The following PHF21B variants were observed in gnomAD, a reference collection of about 807,000 sequenced individuals.
PHF21B encodes the protein PHD finger protein 21B.
Under a neutral mutation model 62.2 loss-of-function variants are expected in PHF21B, and 22 were observed. That is an observed-to-expected ratio of 0.35 (90% CI 0.25 to 0.51). The LOEUF is 0.51. PHF21B is among the 20% of genes least tolerant of loss of function. PHF21B has a pLI of 0.97. For missense variants in PHF21B, 701 were observed against 707.9 expected (o/e 0.99, Z 0.11); for synonymous variants, 341 against 314.7 (o/e 1.08, Z -0.88).
chr22:44,945,721 G>C (rs995764754), intron 2 of PHF21B, among the ~76,000 whole-genome samples: 1 of 23,612 alleles, frequency 4.2e-5, no homozygotes, highest in Non-Finnish European at 9.9e-5. Context: ...AGAATTGGGG[G>C]GGGGGTGGTA....
chr22:44,945,335 C>A (rs550196843), intron 2 of PHF21B, among the ~76,000 whole-genome samples: 1 of 152,284 alleles, frequency 6.6e-6, no homozygotes, highest in South Asian at 2.1e-4. Flanking sequence ...GTGAATGGGG[C>A]GATTTAACTC....
At position 44,894,765 on chromosome 22, in the gene PHF21B, G is replaced by C. The variant is rs529227046; in HGVS notation, c.884-1232C>G. 3.7e-4 allele frequency among the ~76,000 whole-genome samples: 57 copies of C among 152,298 alleles called. 1 individual carries two copies. In the South Asian group the frequency reaches 0.011, roughly 30 times the overall value. ...GCTCTCCCCATCCTGGCTGCTGCCA[G>C]AGAGCAAGTCAGACCCAGGGGACAT... On this transcript the variant is annotated intron_variant, in intron 6 of 12. Coordinates refer to ENST00000313237, the MANE Select transcript of PHF21B (RefSeq NM_138415.5).
chr22:44,895,949 A>G (rs913505253), intron 6 of PHF21B, 83 bp downstream of exon 6: 2 of 1,464,776 alleles, frequency 1.4e-6, no homozygotes, highest in Non-Finnish European at 1.9e-6. Context: ...AGCCCAGACC[A>G]CCCATCATCA....
At chr22:44,963,995 G>A (rs2072475293) in intron 2 of PHF21B, among the ~76,000 whole-genome samples, 1 of 152,248 alleles carries the variant, frequency 6.6e-6, no homozygotes, top group South Asian at 2.1e-4. Flanking sequence ...GGGCCAGCCA[G>A]CTGTGTTCCA....
rs2070959978 is a variant in PHF21B at position 44,891,327 on chromosome 22, G to T, written c.994C>A (p.Pro332Thr). 4 of 1,614,062 alleles carry T rather than the reference G, an allele frequency of 2.5e-6. No individual in the cohort carries two copies. The East Asian group carries it at 6.7e-5, about 27-fold the overall frequency. The change falls in exon 8 of 13, where the codon CCC becomes ACC. Residue 332 changes from proline (P) to threonine (T), a missense_variant. Coordinates refer to ENST00000313237, the MANE Select transcript of PHF21B (RefSeq NM_138415.5). ...TTACCTCTCGCTGTGAGGAACAGGG[G>T]GTTGTTGAGATAGTTGGAGGCCAGC... ...KRLASNYLNN[P>T]LFLTARANED... is the part of the protein sequence containing the mutation.
chr22:44,985,914 A>G (rs1569274422), intron 2 of PHF21B, among the ~76,000 whole-genome samples: 2 of 151,532 alleles, frequency 1.3e-5, no homozygotes, highest in Non-Finnish European at 1.5e-5. Context: ...GAGCACCACC[A>G]TCACCATCAG....
intron 6 of PHF21B, among the ~76,000 whole-genome samples, chr22:44,894,527 T>A (rs1355835367): frequency 6.6e-6 from 1 of 152,150 alleles, no homozygotes; most frequent in Non-Finnish European, 1.5e-5. Context: ...AGAGATTAAA[T>A]CAATCCCAAA....
intron 2 of PHF21B, among the ~76,000 whole-genome samples, chr22:44,968,744 G>A (rs2072581415): frequency 6.6e-6 from 1 of 151,506 alleles, no homozygotes; most frequent in Admixed American, 6.6e-5. Flanking sequence ...ACTGAGCCTC[G>A]CTAACCCCAA....
chr22:44,937,684 G>A (rs1344845694), intron 2 of PHF21B, among the ~76,000 whole-genome samples: 1 of 152,236 alleles, frequency 6.6e-6, no homozygotes, highest in Non-Finnish European at 1.5e-5. Context: ...CAACTCAAAT[G>A]TCCATCAACT....
At chr22:44,916,723 G>A (rs776943878) in intron 3 of PHF21B, 93 bp from the exon 4 acceptor site, 86 of 1,148,816 alleles carry the variant, frequency 7.5e-5, no homozygotes, top group Non-Finnish European at 1.8e-5. Flanking sequence ...CTATATTCAA[G>A]GGGAAGGGGC....
chr22:44,966,812 C>T (rs1416152701), intron 2 of PHF21B, among the ~76,000 whole-genome samples: 2 of 152,298 alleles, frequency 1.3e-5, no homozygotes, highest in South Asian at 2.1e-4. Flanking sequence ...AAGGTAGCAT[C>T]GCTGCAGAGG....
chr22:44,996,621 C>T (rs114079538), intron 2 of PHF21B, among the ~76,000 whole-genome samples: 26 of 151,938 alleles, frequency 1.7e-4, no homozygotes, highest in African/African-American at 6.3e-4. Context: ...TCTCTGATCC[C>T]CTCTAGATCA....
intron 2 of PHF21B, among the ~76,000 whole-genome samples, chr22:44,994,536 G>A (rs1326930107): frequency 6.6e-6 from 1 of 152,258 alleles, no homozygotes; most frequent in Non-Finnish European, 1.5e-5. Flanking sequence ...AGAACTGTGA[G>A]AGAATGAATT....
Position 45,009,211 on chromosome 22 carries a change from G to T in PHF21B, c.54+285C>A. On this transcript the variant is annotated intron_variant, in intron 1 of 12. Transcript: ENST00000313237. The surrounding 1 kb of genome is among the most constrained non-coding windows in gnomAD (Gnocchi z 5.9). ...CGGCTCACGAAGGGGCCCCCTCCAG[G>T]CACCCTCCCAGTCATGCAGACCCTA... 2.4e-6 allele frequency: 1 copy of T among 414,786 alleles called. No individual in the cohort carries two copies. Among genetic ancestry groups the T allele is most frequent in the Non-Finnish European group, 4.1e-6 (1 of 243,116 alleles). The allele number at this position is 414,786 out of a possible 1,614,324, so 25.7% of individuals were successfully genotyped here.
At chr22:44,907,639 G>C (rs987475435) in intron 5 of PHF21B, among the ~76,000 whole-genome samples, 2 of 152,218 alleles carry the variant, frequency 1.3e-5, no homozygotes, top group Non-Finnish European at 2.9e-5. Flanking sequence ...CCTTGGTCAC[G>C]GGAAGGGCGG....
chr22:44,908,794 G>A (rs1036069183), intron 5 of PHF21B, among the ~76,000 whole-genome samples: 1 of 152,180 alleles, frequency 6.6e-6, no homozygotes, highest in African/African-American at 2.4e-5. Flanking sequence ...TGGTATGCAT[G>A]TATGTGTGTA....
intron 2 of PHF21B, among the ~76,000 whole-genome samples, chr22:44,997,352 T>C (rs2073140201): frequency 6.6e-6 from 1 of 152,154 alleles, no homozygotes; most frequent in Non-Finnish European, 1.5e-5. Context: ...CAGTCCACGA[T>C]GGCCCCAGTA....
At chr22:44,985,101 G>A (rs1415700919) in intron 2 of PHF21B, among the ~76,000 whole-genome samples, 1 of 152,150 alleles carries the variant, frequency 6.6e-6, no homozygotes, top group Non-Finnish European at 1.5e-5. Flanking sequence ...CAGTGACTAG[G>A]ACTTCGAAAA....
chr22:44,999,429 G>A (rs1283293996), intron 2 of PHF21B, among the ~76,000 whole-genome samples: 4 of 152,162 alleles, frequency 2.6e-5, no homozygotes, highest in South Asian at 2.1e-4. Flanking sequence ...CCGAGGCCCC[G>A]GCCAGCCACA....
Sources: gnomAD v4.1 joint callset for allele counts (sites outside exome capture counted in the v4.1 genomes callset) on GRCh38, gnomAD v4.1.1 for gene constraint, Gnocchi (gnomAD v3.1) non-coding constraint, MANE v1.5 for transcripts, NCBI Gene and HGNC (gene_info 2026-07-23, HGNC 2026-07-21) for gene names.